Variants in PPM1K observed in about 807,000 individuals in gnomAD.
PPM1K encodes protein phosphatase Mn(2+)-dependent 1K.
In PPM1K, 19 loss-of-function variants were observed where a neutral mutation model predicts 32.6. That is an observed-to-expected ratio of 0.58 (90% confidence interval 0.41 to 0.86). PPM1K has a LOEUF of 0.86. Ranked by LOEUF, PPM1K falls within the 40% of genes least tolerant of loss-of-function variation. The probability of loss-of-function intolerance (pLI) is 0.00; values close to 1 mark genes in which losing one functional copy is unlikely to be tolerated. For missense variants in PPM1K, 362 were observed against 461.2 expected (o/e 0.78, Z 1.97); for synonymous variants, 159 against 165.3 (o/e 0.96, Z 0.29).
intron 3 of PPM1K, among the ~76,000 whole-genome samples, chr4:88,272,536 C>T (rs1333339078): frequency 6.6e-6 from 1 of 152,126 alleles, no homozygotes; most frequent in Non-Finnish European, 1.5e-5. Context: ...TTTCTACCAT[C>T]TAGTTTGTTC....
intron 6 of PPM1K, among the ~76,000 whole-genome samples, chr4:88,263,272 C>G (rs1404759899): frequency 6.6e-6 from 1 of 151,978 alleles, no homozygotes; most frequent in East Asian, 1.9e-4. Flanking sequence ...AATTTCTACA[C>G]TAAAATTTGA....
At chr4:88,273,479 G>C (rs1731641016) in intron 3 of PPM1K, among the ~76,000 whole-genome samples, 2 of 152,164 alleles carry the variant, frequency 1.3e-5, no homozygotes, top group African/African-American at 2.4e-5. Context: ...TCGGGAGTTA[G>C]AGACCAGCCT....
At chr4:88,274,207 T>C (rs1213878724) in intron 3 of PPM1K, among the ~76,000 whole-genome samples, 1 of 152,246 alleles carries the variant, frequency 6.6e-6, no homozygotes, top group Non-Finnish European at 1.5e-5. Flanking sequence ...ATACCTAAAA[T>C]CTCACCATTA....
intron 3 of PPM1K, chr4:88,271,097 G>C (rs1356414070): frequency 3.9e-6 from 2 of 518,732 alleles, no homozygotes; most frequent in Non-Finnish European, 3.8e-6. Flanking sequence ...TCCTTCACCT[G>C]GGACAAAATT....
In PPM1K at chr4:88,262,582, TC is replaced by T; in HGVS notation, c.*12del. 1.2e-6 allele frequency: 2 copies of T among 1,612,852 alleles called. No individual in the cohort carries two copies. Among genetic ancestry groups the T allele is most frequent in the Non-Finnish European group, 1.7e-6 (2 of 1,179,470 alleles). On this transcript the variant is annotated 3_prime_UTR_variant, in exon 7 of 7. Coordinates refer to ENST00000608933, the MANE Select transcript of PPM1K (RefSeq NM_152542.5). ...AAAACTGTTGCACAGAAACTCTAAGTCCCAGCTGGTAATCAGGCCCATCGTC... is the reference window on the plus strand; with the variant it reads ...AAAACTGTTGCACAGAAACTCTAAGTCCAGCTGGTAATCAGGCCCATCGTC...
Position 88,262,606 on chromosome 4 carries a change from G to A in PPM1K, c.1108C>T (p.Arg370Ter). Residue 370 changes from arginine (R) to a stop codon, truncating the protein, a stop_gained, in exon 7 of 7, where the codon CGA becomes TGA. Coordinates refer to ENST00000608933, the MANE Select transcript of PPM1K (RefSeq NM_152542.5). LOFTEE classifies it high-confidence loss of function. ...SFSRSFASSG[R>*]WA Reference sequence around the variant, plus strand: ...GTCCCAGCTGGTAATCAGGCCCATCGTCCACTGGAGGCAAAGCTTCTGCTG... The same window carrying A: ...GTCCCAGCTGGTAATCAGGCCCATCATCCACTGGAGGCAAAGCTTCTGCTG... 3.1e-6 allele frequency: 5 copies of A among 1,613,876 alleles called. No homozygotes were observed. Among genetic ancestry groups the A allele is most frequent in the Non-Finnish European group, 4.2e-6 (5 of 1,179,900 alleles).
intron 3 of PPM1K, among the ~76,000 whole-genome samples, chr4:88,273,154 T>C (rs769198999): frequency 2.6e-5 from 4 of 152,236 alleles, no homozygotes; most frequent in Non-Finnish European, 4.4e-5. Context: ...GAGATAAGAA[T>C]GTTTTAATTT....
At position 88,260,955 on chromosome 4, in the gene PPM1K, TATA is replaced by T. The variant is rs2110150795; in HGVS notation, c.*1637_*1639del. ...CTGCTGATAATCACTGGGTCTCCAC[TATA>T]AGAAAATTGCCCCTAGTTTGTCAAG... On this transcript the variant is annotated 3_prime_UTR_variant, in exon 7 of 7. Coordinates refer to ENST00000608933, the MANE Select transcript of PPM1K (RefSeq NM_152542.5). The T allele has an allele frequency of 6.6e-6, 1 of 152,346 alleles. No individual in the cohort carries two copies. Among genetic ancestry groups the T allele is most frequent in the South Asian group, 2.1e-4 (1 of 4,826 alleles). The allele number at this position is 152,346 out of a possible 1,614,324, so 9.4% of individuals were successfully genotyped here.
intron 6 of PPM1K, among the ~76,000 whole-genome samples, chr4:88,264,391 T>G (rs901580777): frequency 1.3e-5 from 2 of 152,180 alleles, no homozygotes; most frequent in African/African-American, 4.8e-5. Context: ...CCCTATGCCT[T>G]TTGGTATTTT....
intron 5 of PPM1K, among the ~76,000 whole-genome samples, chr4:88,266,204 T>C (rs1731296690): frequency 6.6e-6 from 1 of 152,248 alleles, no homozygotes; most frequent in African/African-American, 2.4e-5. Context: ...CTAGAGACTA[T>C]AGTGGCTCAG....
rs965571790 is a variant in PPM1K at position 88,276,848 on chromosome 4, G to C, written c.541+295C>G. 2.0e-5 allele frequency: 21 copies of C among 1,029,142 alleles called. No homozygotes were observed. The African/African-American group carries it at 3.1e-4, about 15-fold the overall frequency. The allele number at this position is 1,029,142 out of a possible 1,614,324, so 63.8% of individuals were successfully genotyped here. On this transcript the variant is annotated intron_variant, in intron 3 of 6. Coordinates refer to ENST00000608933, the MANE Select transcript of PPM1K (RefSeq NM_152542.5). ...ATTTTGTCCATAAAATAAGCAAACA[G>C]ATTAAACATTTTTAAAATCTTTTAA...
chr4:88,268,341 A>G lies in PPM1K; in HGVS notation c.708-7T>C. ...ACCACCACATTTCTTGATCCTGTTAAAAGTTAAATGACAATGGTGTGATAT... is the reference window on the plus strand; with the variant it reads ...ACCACCACATTTCTTGATCCTGTTAGAAGTTAAATGACAATGGTGTGATAT... On this transcript the variant is annotated splice_region_variant and splice_polypyrimidine_tract_variant and intron_variant, in intron 4 of 6. Coordinates refer to ENST00000608933, the MANE Select transcript of PPM1K (RefSeq NM_152542.5). 1 of 1,614,206 alleles carries G rather than the reference A, an allele frequency of 6.2e-7. No individual in the cohort carries two copies. The highest frequency in any genetic ancestry group is 8.5e-7 in the Non-Finnish European group (1 of 1,180,024).
chr4:88,278,392 A>C lies in PPM1K; in HGVS notation c.192T>G (p.Phe64Leu). The C allele has an allele frequency of 6.2e-7, 1 of 1,614,210 alleles. No individual in the cohort carries two copies. Among genetic ancestry groups the C allele is most frequent in the Non-Finnish European group, 8.5e-7 (1 of 1,180,034 alleles). Residue 64 changes from phenylalanine to leucine, a missense_variant, in exon 2 of 7, where the codon TTT (phenylalanine) becomes TTG (leucine). Coordinates refer to ENST00000608933, the MANE Select transcript of PPM1K (RefSeq NM_152542.5). This position sits in a 1 kb window ranked among gnomAD's most constrained non-coding sequence, Gnocchi z 4.2. ...GSGSPATWDNFGIWDNRIDEP... is the reference protein window; with the variant it reads ...GSGSPATWDNLGIWDNRIDEP... ...CATCAATGCGGTTATCCCAGATCCC[A>C]AAATTGTCCCAGGTAGCTGGACTCC...
At chr4:88,269,362 C>T (rs990610190) in intron 3 of PPM1K, among the ~76,000 whole-genome samples, 1 of 152,168 alleles carries the variant, frequency 6.6e-6, no homozygotes, top group African/African-American at 2.4e-5. Flanking sequence ...GTTTTCTCTT[C>T]CATTTTTCAC....
rs766581276 is a variant in PPM1K at position 88,268,832 on chromosome 4, C to A, written c.616G>T (p.Val206Phe). ...CACAAAATAGCCCGGCTGTCCCCAA[C>A]ACTGGCTACAACCAGTTCAATACCA... ...RDGIELVVAS[V>F]GDSRAILCRK... The change falls in exon 4 of 7, where the codon GTT (valine) becomes TTT (phenylalanine). Residue 206 changes from valine (V) to phenylalanine (F), a missense_variant. Transcript: ENST00000608933. 2.5e-6 allele frequency: 4 copies of A among 1,613,972 alleles called. No homozygotes were observed. In the South Asian group the frequency reaches 3.3e-5, roughly 13 times the overall value.
intron 5 of PPM1K, among the ~76,000 whole-genome samples, chr4:88,265,358 C>T (rs993177250): frequency 6.6e-5 from 10 of 152,146 alleles, no homozygotes; most frequent in Non-Finnish European, 1.2e-4. Context: ...TGAATCATGG[C>T]GGTGGGTCTT....
At chr4:88,284,092 A>G (rs752934227) in intron 1 of PPM1K, 5 of 101,468 alleles carry the variant, frequency 4.9e-5, no homozygotes, top group Non-Finnish European at 7.5e-5. Context: ...CTGGCCCTCC[A>G]GCCTGCGGCC....
chr4:88,268,319 A>C lies in PPM1K; in HGVS notation c.723T>G (p.Gly241=). The C allele has an allele frequency of 6.2e-7, 1 of 1,614,168 alleles. No homozygotes were observed. Among genetic ancestry groups the C allele is most frequent in the Non-Finnish European group, 8.5e-7 (1 of 1,180,028 alleles). ...KDEKERIKKC[G]GFVAWNSLGQ... Reference sequence around the variant, plus strand: ...CCAAACTATTCCAAGCTACAAAACCACCACATTTCTTGATCCTGTTAAAAG... The same window carrying C: ...CCAAACTATTCCAAGCTACAAAACCCCCACATTTCTTGATCCTGTTAAAAG... Residue 241 remains glycine, a synonymous_variant, in exon 5 of 7, where the codon GGT becomes GGG. Coordinates refer to ENST00000608933, the MANE Select transcript of PPM1K (RefSeq NM_152542.5).
At chr4:88,275,330 A>T in intron 3 of PPM1K, 1 of 963,690 alleles carries the variant, frequency 1.0e-6, no homozygotes, top group South Asian at 4.8e-5. Flanking sequence ...TTTTGTGATT[A>T]ATTTCTTTAT....
Sources: gnomAD v4.1 joint callset for allele counts (sites outside exome capture counted in the v4.1 genomes callset) on GRCh38, gnomAD v4.1.1 for gene constraint, Gnocchi (gnomAD v3.1) non-coding constraint, MANE v1.5 for transcripts, NCBI Gene and HGNC (gene_info 2026-07-23, HGNC 2026-07-21) for gene names.